VTI1A: variants seen among roughly 807,000 people sequenced by gnomAD.
VTI1A encodes the protein vesicle transport through interaction with t-SNAREs 1A, also known as vesicle transport through interaction with t-SNAREs homolog 1A.
A neutral mutation model predicts 34.9 loss-of-function variants in VTI1A; 22 were observed. The ratio of observed to expected loss-of-function variants is 0.63; its 90% CI spans 0.45 to 0.90. The LOEUF is 0.90. Ranked by LOEUF, VTI1A falls within the 40% of genes least tolerant of loss-of-function variation. VTI1A has a pLI of 0.00. For synonymous variants in VTI1A, 87 were observed against 97.3 expected (o/e 0.89, Z 0.62); for missense variants, 268 against 275.6 (o/e 0.97, Z 0.20).
chr10:112,839,363 G>C, the VTI1A span, among the ~76,000 whole-genome samples: 2 of 152,210 alleles, frequency 1.3e-5, no homozygotes, highest in Non-Finnish European at 2.9e-5. Context: ...GCTGGAGGAG[G>C]TGACGCCTGA....
At chr10:112,712,496 AC>A (rs1849457918) in intron 7 of VTI1A, among the ~76,000 whole-genome samples, 1 of 151,614 alleles carries the variant, frequency 6.6e-6, no homozygotes, top group East Asian at 1.9e-4. Flanking sequence ...ACACACACAC[AC>A]ACACACACAC....
intron 5 of VTI1A, among the ~76,000 whole-genome samples, chr10:112,626,107 A>G (rs1845914743): frequency 6.6e-6 from 1 of 152,146 alleles, no homozygotes; most frequent in Admixed American, 6.5e-5. Flanking sequence ...AGTTATGTGG[A>G]CGCATCATTC....
chr10:112,735,063 T>C (rs1850405286), intron 7 of VTI1A, among the ~76,000 whole-genome samples: 1 of 152,236 alleles, frequency 6.6e-6, no homozygotes. Flanking sequence ...AAAATAGTAA[T>C]TATTTTTATC....
chr10:112,783,373 A>G (rs2134041994), intron 7 of VTI1A, among the ~76,000 whole-genome samples: 1 of 149,028 alleles, frequency 6.7e-6, no homozygotes, highest in Non-Finnish European at 1.5e-5. Context: ...AAAACATATG[A>G]GTTGTATGTG....
At chr10:112,769,036 G>C (rs1851727107) in intron 7 of VTI1A, among the ~76,000 whole-genome samples, 1 of 152,158 alleles carries the variant, frequency 6.6e-6, no homozygotes. Flanking sequence ...CCATTAGGAA[G>C]TAATTCTGGC....
At chr10:112,448,890 G>A (rs1847107826) in intron 1 of VTI1A, 1 of 152,034 alleles carries the variant, frequency 6.6e-6, no homozygotes, top group Admixed American at 6.6e-5. Flanking sequence ...AGGGATATTT[G>A]CTTGAAGCCA....
chr10:112,520,943 T>C (rs12241008), intron 3 of VTI1A, among the ~76,000 whole-genome samples: 20,372 of 151,924 alleles, frequency 0.13, 1,631 homozygotes, highest in East Asian at 0.28. Context: ...GGCAGTCTCA[T>C]GGTAACCTAC....
chr10:112,533,345 C>T (rs772262368), intron 4 of VTI1A, among the ~76,000 whole-genome samples: 4 of 151,946 alleles, frequency 2.6e-5, no homozygotes, highest in Admixed American at 2.0e-4. Flanking sequence ...GATCTTTATT[C>T]GTTCAAAAAA....
chr10:112,456,033 C>A (rs1372687617), intron 1 of VTI1A, among the ~76,000 whole-genome samples: 1 of 152,028 alleles, frequency 6.6e-6, no homozygotes, highest in Non-Finnish European at 1.5e-5. Flanking sequence ...CTTAGTGGCC[C>A]CTACCATGTA....
chr10:112,835,934 G>A, the VTI1A span, among the ~76,000 whole-genome samples: 12 of 152,264 alleles, frequency 7.9e-5, no homozygotes, highest in East Asian at 9.7e-4. Context: ...GAAATTGCCC[G>A]CAAATGGACA....
intron 3 of VTI1A, among the ~76,000 whole-genome samples, chr10:112,526,323 C>A (rs1850222170): frequency 6.6e-6 from 1 of 152,148 alleles, no homozygotes; most frequent in Admixed American, 6.6e-5. Context: ...TGACTCATAG[C>A]CCACTTGTCT....
chr10:112,771,477 G>A (rs1042703541), intron 7 of VTI1A, among the ~76,000 whole-genome samples: 4 of 152,244 alleles, frequency 2.6e-5, no homozygotes, highest in African/African-American at 9.6e-5. Flanking sequence ...CAAAACAGCT[G>A]TGCAAGAGCT....
At chr10:112,717,600 G>A (rs928546964) in intron 7 of VTI1A, among the ~76,000 whole-genome samples, 8 of 152,144 alleles carry the variant, frequency 5.3e-5, no homozygotes, top group South Asian at 4.1e-4. Context: ...GCAATCTTAC[G>A]GTATGGCAGC....
chr10:112,447,043 AGGG>A, upstream of VTI1A: 1 of 307,816 alleles, frequency 3.2e-6, no homozygotes, highest in East Asian at 4.6e-5. Flanking sequence ...CAGAACACGA[AGGG>A]GGGAAAAAAC....
intron 7 of VTI1A, among the ~76,000 whole-genome samples, chr10:112,810,560 C>T (rs892979719): frequency 2.0e-5 from 3 of 152,158 alleles, no homozygotes; most frequent in African/African-American, 7.2e-5. Flanking sequence ...ACACACCAAA[C>T]TGTCCAGGTG....
chr10:112,467,815 A>G (rs1022526998), intron 3 of VTI1A, among the ~76,000 whole-genome samples: 2 of 152,240 alleles, frequency 1.3e-5, no homozygotes, highest in African/African-American at 2.4e-5. Flanking sequence ...GCTTAGATTA[A>G]TTATAGATTT....
At chr10:112,808,670 C>T (rs1301821706) in intron 7 of VTI1A, among the ~76,000 whole-genome samples, 2 of 150,712 alleles carry the variant, frequency 1.3e-5, no homozygotes, top group Admixed American at 6.6e-5. Flanking sequence ...CCCAACCATA[C>T]TTGCTGCAGT....
At chr10:112,617,556 A>G (rs1437793021) in intron 5 of VTI1A, among the ~76,000 whole-genome samples, 1 of 152,118 alleles carries the variant, frequency 6.6e-6, no homozygotes, top group Non-Finnish European at 1.5e-5. Flanking sequence ...TAAATAAAAG[A>G]ACTAACTCCT....
intron 7 of VTI1A, among the ~76,000 whole-genome samples, chr10:112,685,902 C>G (rs980936308): frequency 2.6e-5 from 4 of 152,138 alleles, no homozygotes; most frequent in African/African-American, 9.7e-5. Context: ...CTTATGTGTA[C>G]AACTGTCATA....
Sources: allele counts gnomAD v4.1 joint callset (sites outside exome capture counted in the v4.1 genomes callset), GRCh38; gene constraint gnomAD v4.1.1; transcripts MANE v1.5; gene names NCBI Gene and HGNC (gene_info 2026-07-23, HGNC 2026-07-21).